The following GALK2 variants were observed in gnomAD, a reference collection of about 807,000 sequenced individuals.
GALK2 encodes N-acetylgalactosamine kinase.
In GALK2, 36 loss-of-function variants were observed where a neutral mutation model predicts 52.4. The observed-to-expected ratio is 0.69, with a 90% CI of 0.53 to 0.91. The LOEUF is 0.91. Among genes scored for constraint, GALK2 ranks in the 40% least tolerant of loss-of-function variants. The pLI is 0.00. For synonymous variants in GALK2, 176 were observed against 199.1 expected (o/e 0.88, Z 0.98); for missense variants, 579 against 559.1 (o/e 1.04, Z -0.36).
intron 3 of GALK2, chr15:49,353,853 C>T (rs948981740): frequency 3.3e-5 from 5 of 151,954 alleles, no homozygotes. Context: ...AGGTTCTTAC[C>T]ATATGTTAAT....
At chr15:49,341,930 C>G (rs2040791361) in intron 3 of GALK2, among the ~76,000 whole-genome samples, 1 of 152,048 alleles carries the variant, frequency 6.6e-6, no homozygotes. Flanking sequence ...TTGAATTTAT[C>G]AAAACTGCTT....
intron 1 of GALK2, among the ~76,000 whole-genome samples, chr15:49,176,487 C>T (rs190204104): frequency 3.8e-4 from 58 of 152,212 alleles, no homozygotes; most frequent in East Asian, 2.5e-3. Flanking sequence ...TTTAGATCAA[C>T]GCATGACAGA....
At chr15:49,283,777 T>C (rs1340557941) in intron 7 of GALK2, 59 bp downstream of exon 7, 1 of 1,557,402 alleles carries the variant, frequency 6.4e-7, no homozygotes, top group Non-Finnish European at 8.8e-7. Flanking sequence ...TTTATTTTCA[T>C]TGTTCTCTAT....
In GALK2 at chr15:49,323,263, A is replaced by C. The variant is rs540423763; in HGVS notation, c.1169+3458A>C. On this transcript the variant is annotated intron_variant, in intron 9 of 9. Coordinates refer to ENST00000560031, the MANE Select transcript of GALK2 (RefSeq NM_002044.4). ...GCCTGGTGTGAGCCACTGGTGCCAC[A>C]GACACAACCTCTAGCAAAGTATTGC... Among the ~76,000 whole-genome samples, 851 of 152,290 alleles carry C rather than the reference A, an allele frequency of 5.6e-3. 5 individuals carry two copies. The highest frequency in any genetic ancestry group is 0.034 in the Middle Eastern group (10 of 294).
At chr15:49,280,083 A>AGTAGGGGACACAAAAGAAACAC (rs766184116) in intron 5 of GALK2, among the ~76,000 whole-genome samples, 97 of 152,252 alleles carry the variant, frequency 6.4e-4, no homozygotes, top group Non-Finnish European at 1.2e-3. Context: ...CATTATGTGA[A>AGTAGGGGACACAAAAGAAACAC]GTAGGGGACA....
At chr15:49,334,137 T>C (rs943508053), downstream of GALK2, 2 of 413,536 alleles carry the variant, frequency 4.8e-6, no homozygotes, top group African/African-American at 4.3e-5. Context: ...ACTAGAAAAC[T>C]TTTGCAGTTT....
chr15:49,213,210 T>A (rs2089072975), intron 2 of GALK2, among the ~76,000 whole-genome samples: 1 of 152,264 alleles, frequency 6.6e-6, no homozygotes, highest in Non-Finnish European at 1.5e-5. Context: ...TGTTATATCC[T>A]GTTGCTGAAC....
intron 3 of GALK2, among the ~76,000 whole-genome samples, chr15:49,233,308 T>C (rs1367744129): frequency 6.6e-6 from 1 of 151,932 alleles, no homozygotes; most frequent in Admixed American, 6.6e-5. Flanking sequence ...TAGTGAGAGC[T>C]CTATCATGAA....
chr15:49,180,080 T>C (rs1398118603), intron 1 of GALK2, among the ~76,000 whole-genome samples: 1 of 152,156 alleles, frequency 6.6e-6, no homozygotes, highest in Non-Finnish European at 1.5e-5. Flanking sequence ...TTATAAGCCA[T>C]GAACAGACTG....
intron 3 of GALK2, among the ~76,000 whole-genome samples, chr15:49,228,688 T>TATATATATGTATATA: frequency 9.6e-5 from 1 of 10,442 alleles, no homozygotes. Context: ...TATATATATA[T>TATATATATGTATATA]TTTTTTTTTT....
intron 3 of GALK2, among the ~76,000 whole-genome samples, chr15:49,228,676 T>TAC (rs1341543628): frequency 2.8e-4 from 4 of 14,426 alleles, no homozygotes; most frequent in East Asian, 2.5e-3. Context: ...TATATATATA[T>TAC]ATATATATAT....
intron 2 of GALK2, among the ~76,000 whole-genome samples, chr15:49,213,749 GTCCTCT>G (rs2089135850): frequency 6.6e-6 from 1 of 151,866 alleles, no homozygotes; most frequent in African/African-American, 2.4e-5. Flanking sequence ...TGTTTTGTTG[GTCCTCT>G]CTTCCTTCCT....
rs191170777 is a variant in GALK2, at chr15:49,327,922, G to T, written c.1170-30G>T. On this transcript the variant is annotated intron_variant, in intron 9 of 9. Coordinates refer to ENST00000560031, the MANE Select transcript of GALK2 (RefSeq NM_002044.4). ...AAATCCCTTGTATTTTCATTTATAG[G>T]TTCTAATATTTTTTTCCTCACTGTT... 3.8e-5 allele frequency: 61 copies of T among 1,590,832 alleles called. No homozygotes were observed. The African/African-American group carries it at 7.6e-4, about 20-fold the overall frequency.
chr15:49,210,957 TCACACACACACACACTCACA>T (rs907056744), intron 2 of GALK2, among the ~76,000 whole-genome samples: 7 of 112,766 alleles, frequency 6.2e-5, no homozygotes, highest in African/African-American at 1.8e-4. Flanking sequence ...ATGTTGGCTG[TCACACACACACACACTCACA>T]CACACACACA....
chr15:49,316,167 A>G (rs541068727), intron 8 of GALK2, among the ~76,000 whole-genome samples: 21 of 152,292 alleles, frequency 1.4e-4, no homozygotes, highest in Admixed American at 7.2e-4. Flanking sequence ...ATTTGTTTGG[A>G]TCTTGGTGTA....
intron 5 of GALK2, among the ~76,000 whole-genome samples, chr15:49,276,703 G>A (rs1403230813): frequency 6.6e-6 from 1 of 152,116 alleles, no homozygotes; most frequent in African/African-American, 2.4e-5. Flanking sequence ...AGCATTCTCT[G>A]CTTCCTTTTA....
intron 8 of GALK2, among the ~76,000 whole-genome samples, chr15:49,298,482 T>C (rs1373142105): frequency 1.3e-5 from 2 of 152,084 alleles, no homozygotes; most frequent in Admixed American, 1.3e-4. Flanking sequence ...GGAATCCTTG[T>C]TTTGTTCTGG....
chr15:49,285,401 T>C (rs1407719949), intron 7 of GALK2, among the ~76,000 whole-genome samples: 1 of 152,162 alleles, frequency 6.6e-6, no homozygotes, highest in African/African-American at 2.4e-5. Flanking sequence ...ATGGCAGGAA[T>C]TCACTCCTCC....
downstream of GALK2, among the ~76,000 whole-genome samples, chr15:49,335,764 T>C (rs538030650): frequency 1.1e-3 from 160 of 152,360 alleles, no homozygotes; most frequent in African/African-American, 3.8e-3. Context: ...AATTACCTTT[T>C]GTATGTGTTT....
Sources: gnomAD v4.1 joint callset for allele counts (sites outside exome capture counted in the v4.1 genomes callset) on GRCh38, gnomAD v4.1.1 for gene constraint, MANE v1.5 for transcripts, NCBI Gene and HGNC (gene_info 2026-07-23, HGNC 2026-07-21) for gene names.